The following FBXW7 variants were observed in gnomAD, a reference collection of about 807,000 sequenced individuals.
The protein encoded by FBXW7 is F-box/WD repeat-containing protein 7.
FBXW7 carries 11 observed loss-of-function variants against 86.3 expected under a neutral mutation model. The observed-to-expected ratio is 0.13, with a 90% CI of 0.08 to 0.21. FBXW7 has a LOEUF of 0.21. Ranked by LOEUF, FBXW7 falls within the 10% of genes least tolerant of loss-of-function variation. FBXW7 has a pLI of 1.00. For synonymous variants in FBXW7, 313 were observed against 297.9 expected (o/e 1.05, Z -0.52); for missense variants, 488 against 847.4 (o/e 0.58, Z 5.27).
rs2149758881 is a variant in FBXW7, at chr4:152,536,016, A to AGCG, written c.-1105_-1103dup. On this transcript the variant is annotated 5_prime_UTR_variant, in exon 1 of 14. Transcript: ENST00000281708. Reference sequence around the variant, plus strand: ...CAGTCTCAGCGGCGGCGGCGGCGGCAGCGGCAGCGGCAGCGCCCGGAGCTC... The same window carrying AGCG: ...CAGTCTCAGCGGCGGCGGCGGCGGCAGCGGCGGCAGCGGCAGCGCCCGGAGCTC... The AGCG allele has an allele frequency of 1.4e-5, 3 of 220,942 alleles. No homozygotes were observed. The South Asian group carries it at 2.3e-4, about 17-fold the overall frequency. The allele number at this position is 220,942 out of a possible 1,614,324, so 13.7% of individuals were successfully genotyped here.
At chr4:152,328,631 A>G (rs910560516) in intron 10 of FBXW7, 1 of 301,206 alleles carries the variant, frequency 3.3e-6, no homozygotes, top group African/African-American at 2.2e-5. Context: ...AACATATGAT[A>G]TAAAACATGA....
intron 2 of FBXW7, among the ~76,000 whole-genome samples, chr4:152,507,468 T>C (rs985550602): frequency 1.3e-5 from 2 of 152,232 alleles, no homozygotes; most frequent in African/African-American, 4.8e-5. Flanking sequence ...CCTCCAGGAT[T>C]AATCAGTGCA....
chr4:152,327,027 A>G (rs1729100782), intron 11 of FBXW7, among the ~76,000 whole-genome samples: 1 of 152,152 alleles, frequency 6.6e-6, no homozygotes, highest in Non-Finnish European at 1.5e-5. Flanking sequence ...AGCAATATAC[A>G]AATACTGTAA....
At chr4:152,427,279 T>C (rs1002232271) in intron 2 of FBXW7, among the ~76,000 whole-genome samples, 1 of 152,238 alleles carries the variant, frequency 6.6e-6, no homozygotes, top group Non-Finnish European at 1.5e-5. Context: ...AAGCTGCTGA[T>C]GACTAAAGGT....
chr4:152,469,496 T>C (rs1196469221), intron 2 of FBXW7, among the ~76,000 whole-genome samples: 1 of 152,088 alleles, frequency 6.6e-6, no homozygotes, highest in African/African-American at 2.4e-5. Context: ...AAACAGGAAA[T>C]GCATAGACCC....
intron 4 of FBXW7, among the ~76,000 whole-genome samples, chr4:152,374,922 A>C (rs1363087337): frequency 1.3e-5 from 2 of 151,996 alleles, no homozygotes; most frequent in Non-Finnish European, 2.9e-5. Flanking sequence ...AAAACGTTTT[A>C]TATTTCCGTA....
intron 2 of FBXW7, among the ~76,000 whole-genome samples, chr4:152,531,817 A>T (rs1410108658): frequency 6.6e-6 from 1 of 152,092 alleles, no homozygotes; most frequent in Admixed American, 6.5e-5. Context: ...CAATGAAATT[A>T]TTATTAAGTA....
chr4:152,356,392 T>A (rs1732388751), intron 4 of FBXW7, among the ~76,000 whole-genome samples: 1 of 139,262 alleles, frequency 7.2e-6, no homozygotes. Flanking sequence ...TAGTGGAAAA[T>A]ACTATGAATA....
At chr4:152,485,996 C>G (rs1290829632) in intron 2 of FBXW7, among the ~76,000 whole-genome samples, 1 of 152,148 alleles carries the variant, frequency 6.6e-6, no homozygotes, top group Admixed American at 6.5e-5. Context: ...CGGTATAGCC[C>G]ATTGCTCCTA....
intron 2 of FBXW7, among the ~76,000 whole-genome samples, chr4:152,470,509 T>A (rs980319947): frequency 1.3e-5 from 2 of 152,102 alleles, no homozygotes; most frequent in Admixed American, 6.5e-5. Flanking sequence ...TATTAAAAAA[T>A]TAACATGAGG....
In FBXW7 at chr4:152,411,384, A is replaced by G; in HGVS notation, c.420T>C (p.Thr140=). The change falls in exon 4 of 14, where the codon ACT becomes ACC. Residue 140 remains threonine (T), a synonymous_variant. Transcript: ENST00000281708. ...TACTACTGGAGTTCGTGACACTGTT[A>G]GTATGTGTATGTTCATCTTCTCTGC... is the stretch of plus-strand genomic sequence containing the variant. ...DSSREDEHTH[T]NSVTNSSSIV... is the part of the protein sequence containing the mutation. 6.2e-7 allele frequency: 1 copy of G among 1,613,612 alleles called. No homozygotes were observed. Among genetic ancestry groups the G allele is most frequent in the Non-Finnish European group, 8.5e-7 (1 of 1,179,826 alleles).
intron 2 of FBXW7, among the ~76,000 whole-genome samples, chr4:152,482,211 A>G (rs531226858): frequency 6.6e-6 from 1 of 152,328 alleles, no homozygotes; most frequent in African/African-American, 2.4e-5. Context: ...ACAACTCACT[A>G]AAAACTCAGT....
intron 2 of FBXW7, among the ~76,000 whole-genome samples, chr4:152,522,327 T>G (rs1447518700): frequency 6.6e-6 from 1 of 152,206 alleles, no homozygotes; most frequent in Non-Finnish European, 1.5e-5. Flanking sequence ...TAAGGACTTT[T>G]AGATTAATTT....
intron 4 of FBXW7, among the ~76,000 whole-genome samples, chr4:152,367,672 T>TG (rs1733618064): frequency 6.6e-6 from 1 of 152,154 alleles, no homozygotes; most frequent in South Asian, 2.1e-4. Flanking sequence ...TTCCTCGACT[T>TG]AATCTTCAAC....
intron 6 of FBXW7, among the ~76,000 whole-genome samples, chr4:152,345,166 C>T (rs1204725691): frequency 6.6e-6 from 1 of 151,862 alleles, no homozygotes; most frequent in Non-Finnish European, 1.5e-5. Flanking sequence ...TTATTTTCGC[C>T]TCTTATTGAC....
intron 8 of FBXW7, 94 bp downstream of exon 8, chr4:152,332,502 T>C (rs919576636): frequency 1.6e-6 from 2 of 1,220,516 alleles, no homozygotes; most frequent in Non-Finnish European, 2.2e-6. Flanking sequence ...TTATCATAAG[T>C]AGCTGAATAT....
intron 4 of FBXW7, among the ~76,000 whole-genome samples, chr4:152,364,646 T>C (rs1364364270): frequency 1.3e-5 from 2 of 152,298 alleles, no homozygotes; most frequent in African/African-American, 4.8e-5. Context: ...ATAGAGCACA[T>C]GCTTTTCAAT....
At chr4:152,424,599 G>A (rs1739217382) in intron 2 of FBXW7, among the ~76,000 whole-genome samples, 1 of 152,214 alleles carries the variant, frequency 6.6e-6, no homozygotes, top group Admixed American at 6.5e-5. Context: ...TACCGCATGT[G>A]TTAACAGTGA....
intron 2 of FBXW7, chr4:152,451,691 C>T (rs1741920782): frequency 1.3e-5 from 2 of 151,100 alleles, no homozygotes; most frequent in Non-Finnish European, 2.9e-5. Flanking sequence ...ACTTGGGAAG[C>T]TAAAGTGGGA....
Sources: allele counts gnomAD v4.1 joint callset (sites outside exome capture counted in the v4.1 genomes callset), GRCh38; gene constraint gnomAD v4.1.1; transcripts MANE v1.5; gene names NCBI Gene and HGNC (gene_info 2026-07-23, HGNC 2026-07-21).